The following SYT1 variants were observed in gnomAD, a reference collection of about 807,000 sequenced individuals.
SYT1 encodes synaptotagmin 1, also known as synaptotagmin-1.
A neutral mutation model predicts 44.8 loss-of-function variants in SYT1; 8 were observed. That is an observed-to-expected ratio of 0.18 (90% confidence interval 0.10 to 0.32). The LOEUF is 0.32. SYT1 is among the 10% of genes least tolerant of loss of function. The pLI, the probability that SYT1 is intolerant of heterozygous loss-of-function variation, is 1.00. For synonymous variants in SYT1, 154 were observed against 188.8 expected (o/e 0.82, Z 1.51); for missense variants, 286 against 509.3 (o/e 0.56, Z 4.22).
intron 1 of SYT1, among the ~76,000 whole-genome samples, chr12:78,969,112 G>T (rs1161585629): frequency 1.8e-4 from 27 of 152,060 alleles, no homozygotes; most frequent in Admixed American, 1.8e-3. Context: ...TCTATTTCCT[G>T]AACAATAGAC....
At chr12:79,197,773 G>C (rs1395693089) in intron 3 of SYT1, among the ~76,000 whole-genome samples, 1 of 152,162 alleles carries the variant, frequency 6.6e-6, no homozygotes, top group Non-Finnish European at 1.5e-5. Flanking sequence ...GTGTATGTCT[G>C]TAGTATTTAA....
rs568164076 is a variant in SYT1, at chr12:79,373,883, A to G, written c.928+20264A>G. ...ATTCTCATTTCTCACTCGTGTTTGC[A>G]TTATCAAGTTTTCTTCAAGCCACAG... is the stretch of plus-strand genomic sequence containing the variant. On this transcript the variant is annotated intron_variant, in intron 9 of 10. Transcript: ENST00000261205. Among the ~76,000 whole-genome samples, 4 of 152,280 alleles carry G rather than the reference A, an allele frequency of 2.6e-5. No homozygotes were observed. In the South Asian group the frequency reaches 8.3e-4, roughly 32 times the overall value.
At chr12:79,173,710 T>C (rs544248551) in intron 3 of SYT1, among the ~76,000 whole-genome samples, 3 of 152,198 alleles carry the variant, frequency 2.0e-5, no homozygotes, top group Non-Finnish European at 4.4e-5. Flanking sequence ...TAAGGAGCCT[T>C]GTAAAACGTC....
intron 9 of SYT1, among the ~76,000 whole-genome samples, chr12:79,355,655 TC>T (rs1429864280): frequency 6.6e-6 from 1 of 152,158 alleles, no homozygotes; most frequent in Non-Finnish European, 1.5e-5. Context: ...ACCAACACAC[TC>T]TTTTGCAAAC....
At chr12:79,418,772 C>T (rs536948982) in intron 9 of SYT1, among the ~76,000 whole-genome samples, 3 of 152,234 alleles carry the variant, frequency 2.0e-5, no homozygotes, top group South Asian at 2.1e-4. Context: ...CTCTTCCAAC[C>T]GTGGTAACCA....
intron 8 of SYT1, among the ~76,000 whole-genome samples, chr12:79,321,441 G>A (rs937555794): frequency 6.6e-6 from 1 of 152,134 alleles, no homozygotes; most frequent in Admixed American, 6.5e-5. Context: ...TGGATTGAAG[G>A]TTTCCTGAAA....
intron 8 of SYT1, among the ~76,000 whole-genome samples, chr12:79,316,939 G>A (rs1372456034): frequency 6.6e-6 from 1 of 152,134 alleles, no homozygotes; most frequent in Non-Finnish European, 1.5e-5. Flanking sequence ...TCAACTCTCT[G>A]AGCCTCATTT....
chr12:79,054,370 A>G (rs1343147428), intron 3 of SYT1, among the ~76,000 whole-genome samples: 2 of 152,016 alleles, frequency 1.3e-5, no homozygotes, highest in Non-Finnish European at 2.9e-5. Context: ...AAAATAAACC[A>G]TGGTAGGAGA....
At chr12:79,006,547 T>C (rs1374004303) in intron 2 of SYT1, among the ~76,000 whole-genome samples, 1 of 150,450 alleles carries the variant, frequency 6.6e-6, no homozygotes, top group South Asian at 2.1e-4. Context: ...TGGCAGTCAG[T>C]AGGGATAAGT....
intron 1 of SYT1, among the ~76,000 whole-genome samples, chr12:78,875,726 G>A (rs1446705457): frequency 1.3e-5 from 2 of 151,622 alleles, no homozygotes; most frequent in African/African-American, 4.8e-5. Context: ...TGTTTCCAGT[G>A]TGTGTTCATA....
At chr12:79,164,668 T>C (rs1871136957) in intron 3 of SYT1, among the ~76,000 whole-genome samples, 1 of 152,046 alleles carries the variant, frequency 6.6e-6, no homozygotes, top group Admixed American at 6.6e-5. Context: ...TGTCAAAATA[T>C]TAGTTTCTCA....
intron 3 of SYT1, among the ~76,000 whole-genome samples, chr12:79,200,478 C>G (rs138943620): frequency 1.3e-3 from 204 of 152,120 alleles, no homozygotes; most frequent in African/African-American, 4.5e-3. Context: ...TAGGAGCAAA[C>G]AAGAAGCAAA....
intron 3 of SYT1, among the ~76,000 whole-genome samples, chr12:79,117,777 T>C (rs1349664011): frequency 6.9e-6 from 1 of 144,112 alleles, no homozygotes; most frequent in African/African-American, 2.6e-5. Flanking sequence ...AAGAGCTAGG[T>C]CATATTATTT....
intron 2 of SYT1, among the ~76,000 whole-genome samples, chr12:79,023,746 T>C (rs890969059): frequency 2.0e-5 from 3 of 151,824 alleles, no homozygotes; most frequent in African/African-American, 7.2e-5. Context: ...GCTTCATCAA[T>C]TGTTTCTGTT....
intron 3 of SYT1, among the ~76,000 whole-genome samples, chr12:79,079,527 A>T (rs1487691917): frequency 2.6e-5 from 4 of 152,070 alleles, no homozygotes; most frequent in Non-Finnish European, 4.4e-5. Context: ...TGTTATTTAA[A>T]TTAATTACCT....
chr12:79,035,073 G>A (rs575251003), intron 2 of SYT1, among the ~76,000 whole-genome samples: 3 of 151,532 alleles, frequency 2.0e-5, no homozygotes, highest in African/African-American at 7.3e-5. Context: ...TCATCACAGG[G>A]TATGGTACTG....
chr12:79,053,707 A>G lies in SYT1; in HGVS notation c.-18+6345A>G, dbSNP rs551069331. Among the ~76,000 whole-genome samples, 193 of 151,140 alleles carry G rather than the reference A, an allele frequency of 1.3e-3. 3 individuals carry two copies. In the South Asian group the frequency reaches 0.014, roughly 11 times the overall value. On this transcript the variant is annotated intron_variant, in intron 3 of 10. Coordinates refer to ENST00000261205, the MANE Select transcript of SYT1 (RefSeq NM_005639.3). ...AACAACACTTATTTTTAAACAAACA[A>G]TAAGTATTATTACATAAAACTTAGA...
intron 9 of SYT1, among the ~76,000 whole-genome samples, chr12:79,409,432 T>A (rs1258262980): frequency 1.3e-5 from 2 of 152,134 alleles, no homozygotes; most frequent in African/African-American, 4.8e-5. Flanking sequence ...TTATAAGCCA[T>A]GCAACTGCAC....
At chr12:79,020,320 A>G (rs908671938) in intron 2 of SYT1, among the ~76,000 whole-genome samples, 78 of 152,062 alleles carry the variant, frequency 5.1e-4, no homozygotes, top group African/African-American at 1.9e-3. Context: ...TGTTGCTGCA[A>G]CAAGTCCACC....
Sources: gnomAD v4.1 joint callset for allele counts (sites outside exome capture counted in the v4.1 genomes callset) on GRCh38, gnomAD v4.1.1 for gene constraint, MANE v1.5 for transcripts, NCBI Gene and HGNC (gene_info 2026-07-23, HGNC 2026-07-21) for gene names.